SPRYD3: variants seen among roughly 807,000 people sequenced by gnomAD.
SPRYD3 encodes the protein SPRY domain containing 3.
In SPRYD3, 17 loss-of-function variants were observed where a neutral mutation model predicts 50.1. The ratio of observed to expected loss-of-function variants is 0.34; its 90% CI spans 0.23 to 0.51. SPRYD3 has a LOEUF of 0.51. Ranked by LOEUF, SPRYD3 falls within the 20% of genes least tolerant of loss-of-function variation. The pLI is 0.97. For synonymous variants in SPRYD3, 198 were observed against 215.5 expected (o/e 0.92, Z 0.71); for missense variants, 401 against 591.2 (o/e 0.68, Z 3.34).
intron 2 of SPRYD3, among the ~76,000 whole-genome samples, chr12:53,076,806 G>A (rs1251306035): frequency 2.0e-5 from 3 of 152,112 alleles, no homozygotes; most frequent in East Asian, 1.9e-4. Context: ...AAAATCAGCC[G>A]TATGTGGTGG....
intron 1 of SPRYD3, among the ~76,000 whole-genome samples, 179 bp from the exon 2 acceptor site, chr12:53,077,440 G>A (rs746439913): frequency 2.8e-4 from 42 of 152,348 alleles, no homozygotes; most frequent in Non-Finnish European, 4.0e-4. Flanking sequence ...TACTCTGTGT[G>A]CTTTTCTCCG....
chr12:53,069,052 A>G (rs1245027682), intron 6 of SPRYD3, among the ~76,000 whole-genome samples: 6 of 152,094 alleles, frequency 3.9e-5, no homozygotes, highest in Non-Finnish European at 7.4e-5. Flanking sequence ...TGGAGGTAGG[A>G]TAGGGGAGAT....
Position 53,065,783 on chromosome 12 carries a change from G to A in SPRYD3, c.*49C>T, listed in dbSNP as rs754063557. ...TGGGAAGTCAGGAACTGGGTGCCTGGCCCAGCAGAGGGTGAGCAGGGAGAA... is the reference window on the plus strand; with the variant it reads ...TGGGAAGTCAGGAACTGGGTGCCTGACCCAGCAGAGGGTGAGCAGGGAGAA... On this transcript the variant is annotated 3_prime_UTR_variant, in exon 11 of 11. Transcript: ENST00000301463. The A allele has an allele frequency of 6.3e-7, 1 of 1,579,810 alleles. No individual in the cohort carries two copies. Among genetic ancestry groups the A allele is most frequent in the Non-Finnish European group, 8.6e-7 (1 of 1,158,062 alleles).
rs201767889 is a variant in SPRYD3 at position 53,077,282 on chromosome 12, T to C, written c.24-21A>G. 3,855 of 1,613,806 alleles carry C rather than the reference T, an allele frequency of 2.4e-3. 8 individuals carry two copies. The highest frequency in any genetic ancestry group is 2.9e-3 in the Non-Finnish European group (3,411 of 1,179,844). On this transcript the variant is annotated intron_variant, in intron 1 of 10. Coordinates refer to ENST00000301463, the MANE Select transcript of SPRYD3 (RefSeq NM_032840.3). Reference sequence around the variant, plus strand: ...CAAACCTGCCAAGGGGAGAAGGGGATTGAGGAGAAAGCAGGGCCCTAGGTA... The same window carrying C: ...CAAACCTGCCAAGGGGAGAAGGGGACTGAGGAGAAAGCAGGGCCCTAGGTA...
chr12:53,066,366 T>C lies in SPRYD3; in HGVS notation c.1142A>G (p.Glu381Gly), dbSNP rs769864452. The change falls in exon 10 of 11, where the codon GAG becomes GGG. Residue 381 changes from glutamate (E) to glycine (G), a missense_variant. Glu to Gly is a moderately conservative substitution (Grantham distance 98). Transcript: ENST00000301463. The part of the protein sequence containing the change: ...EGEEEEEEEE[E>G]EEDGEEIEPE... ...CTCTATCTCTTCCCCATCCTCTTCC[T>C]CTTCCTCTTCCTCCTCTTCCTCTTC... 5 of 1,613,670 alleles carry C rather than the reference T, an allele frequency of 3.1e-6. No individual in the cohort carries two copies. Among genetic ancestry groups the C allele is most frequent in the Non-Finnish European group, 4.2e-6 (5 of 1,179,764 alleles).
In SPRYD3 at chr12:53,066,685, C is replaced by T. The variant is rs780367336; in HGVS notation, c.909G>A (p.Gly303=). 2 of 1,609,396 alleles carry T rather than the reference C, an allele frequency of 1.2e-6. No individual in the cohort carries two copies. Among genetic ancestry groups the T allele is most frequent in the South Asian group, 1.1e-5 (1 of 90,552 alleles). Residue 303 remains glycine, a synonymous_variant, in exon 9 of 11, where the codon GGG becomes GGA. Transcript: ENST00000301463. ...CCACACCACTGCCATGGAAGATCTT[C>T]CCATCGTCTGTTGGAGGGAGGGGAA... is the stretch of plus-strand genomic sequence containing the variant. ...RGSVAYHADD[G]KIFHGSGVGD...
Position 53,073,344 on chromosome 12 carries a change from A to G in SPRYD3, c.635T>C (p.Met212Thr). 6.3e-7 allele frequency: 1 copy of G among 1,582,222 alleles called. No homozygotes were observed. The highest frequency in any genetic ancestry group is 8.5e-7 in the Non-Finnish European group (1 of 1,169,654). Residue 212 changes from methionine to threonine, a missense_variant, in exon 6 of 11, where the codon ATG becomes ACG. By Grantham distance (81) the Met-to-Thr change is moderately conservative. Transcript: ENST00000301463. ...CCATTCATCCTCGTAACTGTCCACC[A>G]TCATGACGCTGTCGTCCTCACGGCC... ...ELGREDDSVM[M>T]VDSYEDEWGR...
At position 53,075,275 on chromosome 12, in the gene SPRYD3, T is replaced by C. The variant is rs1387292522; in HGVS notation, c.247-56A>G. The C allele has an allele frequency of 1.9e-6, 3 of 1,561,222 alleles. No homozygotes were observed. In the African/African-American group the frequency reaches 4.1e-5, roughly 21 times the overall value. On this transcript the variant is annotated intron_variant, in intron 3 of 10. Coordinates refer to ENST00000301463, the MANE Select transcript of SPRYD3 (RefSeq NM_032840.3). ...AGGGCTGGGAAATGGGATGAATTGC[T>C]GGGGGTGGGGGAAGGGGACTTAGAG...
In SPRYD3 at chr12:53,079,356, C is replaced by A; in HGVS notation, c.-23G>T. Reference sequence around the variant, plus strand: ...CATCCATAGGCCTCTCAGCTCCGCACACAAGCTCTTCGGCCGCCGCCACCA... The same window carrying A: ...CATCCATAGGCCTCTCAGCTCCGCAAACAAGCTCTTCGGCCGCCGCCACCA... On this transcript the variant is annotated 5_prime_UTR_variant, in exon 1 of 11. Transcript: ENST00000301463. The A allele has an allele frequency of 6.2e-7, 1 of 1,603,844 alleles. No homozygotes were observed. The highest frequency in any genetic ancestry group is 8.5e-7 in the Non-Finnish European group (1 of 1,175,688).
chr12:53,077,717 C>T (rs1386725239), intron 1 of SPRYD3, among the ~76,000 whole-genome samples: 1 of 152,154 alleles, frequency 6.6e-6, no homozygotes, highest in Admixed American at 6.5e-5. Flanking sequence ...TGGAAGAGAG[C>T]TGGCATGGTA....
rs1944613957 is a variant in SPRYD3, at chr12:53,079,238, G to A, written c.23+73C>T. ...CCCCTGGCCCCAGAGCCCCCGCCCA[G>A]GACCCCCGCCTTCCGCTTCAGGCTC... On this transcript the variant is annotated intron_variant, in intron 1 of 10. Coordinates refer to ENST00000301463, the MANE Select transcript of SPRYD3 (RefSeq NM_032840.3). 2.7e-6 allele frequency: 4 copies of A among 1,477,680 alleles called. No individual in the cohort carries two copies. The Admixed American group carries it at 7.8e-5, about 29-fold the overall frequency. The allele number at this position is 1,477,680 out of a possible 1,614,324, so 91.5% of individuals were successfully genotyped here.
Position 53,077,334 on chromosome 12 carries a change from A to T in SPRYD3, c.24-73T>A, listed in dbSNP as rs1179320419. On this transcript the variant is annotated intron_variant, in intron 1 of 10. Coordinates refer to ENST00000301463, the MANE Select transcript of SPRYD3 (RefSeq NM_032840.3). ...AGCACCTCAGCCTCTGTGACCCAGA[A>T]GGTAGAGAAGGCACTGGCCTTGAGG... is the stretch of plus-strand genomic sequence containing the variant. 9 of 1,550,546 alleles carry T rather than the reference A, an allele frequency of 5.8e-6. No homozygotes were observed. In the East Asian group the frequency reaches 2.1e-4, roughly 36 times the overall value.
At position 53,065,709 on chromosome 12, in the gene SPRYD3, G is replaced by T; in HGVS notation, c.*123C>A. 1 of 1,020,426 alleles carries T rather than the reference G, an allele frequency of 9.8e-7. No homozygotes were observed. The highest frequency in any genetic ancestry group is 1.5e-6 in the Non-Finnish European group (1 of 682,222). The allele number at this position is 1,020,426 out of a possible 1,614,324, so 63.2% of individuals were successfully genotyped here. On this transcript the variant is annotated 3_prime_UTR_variant, in exon 11 of 11. Transcript: ENST00000301463. Reference sequence around the variant, plus strand: ...CGTGACAGGGGCCTGAGCCAGTGGGGGCAGAGTGACTACACACCTCCAGGG... The same window carrying T: ...CGTGACAGGGGCCTGAGCCAGTGGGTGCAGAGTGACTACACACCTCCAGGG...
chr12:53,073,182 C>T, intron 6 of SPRYD3, 104 bp downstream of exon 6: 1 of 744,360 alleles, frequency 1.3e-6, no homozygotes. Context: ...CGGACACTGT[C>T]CCGACTCCCC....
chr12:53,075,282 G>A, intron 3 of SPRYD3, 63 bp from the exon 4 acceptor site: 2 of 1,550,140 alleles, frequency 1.3e-6, no homozygotes, highest in East Asian at 2.3e-5. Flanking sequence ...TGCTGGGGGT[G>A]GGGGAAGGGG....
intron 6 of SPRYD3, among the ~76,000 whole-genome samples, chr12:53,070,251 C>T (rs1317838554): frequency 6.6e-6 from 1 of 152,164 alleles, no homozygotes; most frequent in East Asian, 1.9e-4. Flanking sequence ...ACAGTGAAAG[C>T]CATCATAAAC....
At chr12:53,068,024 C>T (rs1169432146) in intron 7 of SPRYD3, 131 bp downstream of exon 7, 1 of 1,020,068 alleles carries the variant, frequency 9.8e-7, no homozygotes, top group East Asian at 2.5e-5. Context: ...CAACTGTGTT[C>T]CATCTCAGCT....
rs1219474381 is a variant in SPRYD3 at position 53,065,974 on chromosome 12, G to T, written c.1195-8C>A. Reference sequence around the variant, plus strand: ...ATTCCGAGTGAAGAAAACCTGGGGAGGAGGTGGGGAGAAGAATGGAGCAAG... The same window carrying T: ...ATTCCGAGTGAAGAAAACCTGGGGATGAGGTGGGGAGAAGAATGGAGCAAG... On this transcript the variant is annotated splice_region_variant and splice_polypyrimidine_tract_variant and intron_variant, in intron 10 of 10. Coordinates refer to ENST00000301463, the MANE Select transcript of SPRYD3 (RefSeq NM_032840.3). The T allele has an allele frequency of 1.2e-6, 2 of 1,610,892 alleles. No individual in the cohort carries two copies. Among genetic ancestry groups the T allele is most frequent in the South Asian group, 1.1e-5 (1 of 90,784 alleles).
At position 53,066,382 on chromosome 12, in the gene SPRYD3, C is replaced by T; in HGVS notation, c.1126G>A (p.Glu376Lys). 1 of 1,614,192 alleles carries T rather than the reference C, an allele frequency of 6.2e-7. No homozygotes were observed. Residue 376 changes from glutamate (E) to lysine (K), a missense_variant, in exon 10 of 11, where the codon GAG becomes AAG. Glu to Lys is a moderately conservative substitution (Grantham distance 56). Transcript: ENST00000301463. ...TCCTCTTCCTCTTCCTCTTCCTCCT[C>T]TTCCTCTTCCCCTTCCTGGTGCAGG... ...MYLHQEGEEE[E>K]EEEEEEEDGE...
Sources: gnomAD v4.1 joint callset for allele counts (sites outside exome capture counted in the v4.1 genomes callset) on GRCh38, gnomAD v4.1.1 for gene constraint, MANE v1.5 for transcripts, NCBI Gene and HGNC (gene_info 2026-07-23, HGNC 2026-07-21) for gene names.